NDUFAF6: variants seen among roughly 807,000 people sequenced by gnomAD.
NDUFAF6 encodes NADH:ubiquinone oxidoreductase complex assembly factor 6.
NDUFAF6 carries 45 observed loss-of-function variants against 40.8 expected under a neutral mutation model. That is an observed-to-expected ratio of 1.10 (90% CI 0.87 to 1.42). NDUFAF6 has a LOEUF of 1.42. NDUFAF6 is among the 40% of genes most tolerant of loss of function. NDUFAF6 has a pLI of 0.00. For synonymous variants in NDUFAF6, 185 were observed against 155.9 expected (o/e 1.19, Z -1.39); for missense variants, 435 against 418.5 (o/e 1.04, Z -0.34).
intron 1 of NDUFAF6, among the ~76,000 whole-genome samples, chr8:94,912,512 G>A (rs762479199): frequency 6.6e-6 from 1 of 152,106 alleles, no homozygotes; most frequent in Non-Finnish European, 1.5e-5. Context: ...TAATAAACCA[G>A]TAGACTGGGT....
intron 1 of NDUFAF6, among the ~76,000 whole-genome samples, chr8:94,972,787 C>T (rs1824581819): frequency 6.7e-6 from 1 of 150,194 alleles, no homozygotes; most frequent in Admixed American, 6.6e-5. Flanking sequence ...GTAGTCCCAG[C>T]TACTCGGGAG....
At chr8:95,061,028 T>G (rs1264932839), downstream of NDUFAF6, among the ~76,000 whole-genome samples, 2 of 151,952 alleles carry the variant, frequency 1.3e-5, no homozygotes, top group Non-Finnish European at 2.9e-5. Context: ...GAAGATTGGG[T>G]AGGACCCAGG....
intron 2 of NDUFAF6, among the ~76,000 whole-genome samples, chr8:95,008,625 G>A (rs1212712790): frequency 2.6e-5 from 4 of 152,116 alleles, no homozygotes; most frequent in Admixed American, 2.6e-4. Flanking sequence ...TTCTGACTCA[G>A]CCTCTCGAGT....
At chr8:94,932,988 G>A (rs887293546) in intron 1 of NDUFAF6, among the ~76,000 whole-genome samples, 2 of 152,090 alleles carry the variant, frequency 1.3e-5, no homozygotes, top group Non-Finnish European at 2.9e-5. Flanking sequence ...AGGTCAAGGT[G>A]GGCGGATCAC....
intron 2 of NDUFAF6, among the ~76,000 whole-genome samples, chr8:94,981,796 G>A (rs922523789): frequency 4.6e-5 from 7 of 152,064 alleles, no homozygotes; most frequent in Non-Finnish European, 1.0e-4. Flanking sequence ...TTGATTGGCA[G>A]ATGTACACTT....
chr8:95,073,408 GC>G (rs1168212222), intron 9 of NDUFAF6, among the ~76,000 whole-genome samples: 1 of 151,588 alleles, frequency 6.6e-6, no homozygotes, highest in Non-Finnish European at 1.5e-5. Context: ...TCTCCCGAGC[GC>G]CCGCGCCCCG....
At chr8:95,005,554 A>ATATATATATATATGT (rs1554657858) in intron 2 of NDUFAF6, among the ~76,000 whole-genome samples, 2 of 115,354 alleles carry the variant, frequency 1.7e-5, no homozygotes, top group African/African-American at 7.5e-5. Context: ...TATATATATA[A>ATATATATATATATGT]AAAATATATT....
intron 2 of NDUFAF6, among the ~76,000 whole-genome samples, chr8:95,016,774 A>G (rs7826196): frequency 0.14 from 21,836 of 152,074 alleles, 1,596 homozygotes; most frequent in Middle Eastern, 0.25. Flanking sequence ...AAACTTGAAC[A>G]TCATGGTCCA....
chr8:94,957,423 AT>A (rs1199819327), upstream of NDUFAF6, among the ~76,000 whole-genome samples: 2 of 152,326 alleles, frequency 1.3e-5, no homozygotes, highest in African/African-American at 4.8e-5. Flanking sequence ...GGGCTCTGAC[AT>A]TTAGAAGAAA....
At chr8:95,027,586 A>AAG (rs2131734177) in intron 1 of NDUFAF6, among the ~76,000 whole-genome samples, 2 of 152,004 alleles carry the variant, frequency 1.3e-5, no homozygotes, top group South Asian at 4.2e-4. Flanking sequence ...TCTCAAAAAA[A>AAG]AAAAAAAAAA....
At chr8:94,981,751 GA>G (rs1354752803) in intron 2 of NDUFAF6, among the ~76,000 whole-genome samples, 2 of 152,156 alleles carry the variant, frequency 1.3e-5, no homozygotes, top group Non-Finnish European at 2.9e-5. Context: ...TTCCATGAGA[GA>G]GCTGATATTC....
chr8:95,090,754 A>G (rs1468338627), intron 2 of NDUFAF6, among the ~76,000 whole-genome samples: 1 of 152,194 alleles, frequency 6.6e-6, no homozygotes, highest in Non-Finnish European at 1.5e-5. Flanking sequence ...GGCTGGGGAA[A>G]GCAGATCCAC....
intron 1 of NDUFAF6, among the ~76,000 whole-genome samples, chr8:94,923,844 T>C (rs1371558863): frequency 1.7e-5 from 1 of 57,598 alleles, no homozygotes; most frequent in East Asian, 8.6e-4. Flanking sequence ...CACGCCCGAC[T>C]AATTTTTTTT....
intron 1 of NDUFAF6, among the ~76,000 whole-genome samples, chr8:94,938,132 T>C (rs1821171128): frequency 6.6e-6 from 1 of 152,210 alleles, no homozygotes; most frequent in Non-Finnish European, 1.5e-5. Flanking sequence ...GTATACCAGA[T>C]GCCTGAAAGG....
At chr8:94,917,527 T>C (rs917622958) in intron 1 of NDUFAF6, among the ~76,000 whole-genome samples, 1 of 152,220 alleles carries the variant, frequency 6.6e-6, no homozygotes, top group African/African-American at 2.4e-5. Flanking sequence ...TTTTGTGTAA[T>C]GATCAGGTGG....
chr8:94,968,292 G>A (rs1345273553), intron 1 of NDUFAF6, among the ~76,000 whole-genome samples: 2 of 152,188 alleles, frequency 1.3e-5, no homozygotes. Flanking sequence ...AGATCATGGG[G>A]AACCACTTTG....
chr8:95,002,434 T>C (rs1826779551), intron 2 of NDUFAF6, among the ~76,000 whole-genome samples: 1 of 152,084 alleles, frequency 6.6e-6, no homozygotes, highest in South Asian at 2.1e-4. Flanking sequence ...TTTAGAACAG[T>C]TAACTTTTAG....
intron 2 of NDUFAF6, among the ~76,000 whole-genome samples, chr8:94,997,305 C>A (rs947151486): frequency 8.3e-6 from 1 of 120,164 alleles, no homozygotes; most frequent in Non-Finnish European, 1.8e-5. Flanking sequence ...CACACACACA[C>A]ACACACACAC....
intron 2 of NDUFAF6, among the ~76,000 whole-genome samples, chr8:94,987,801 A>C (rs1390758084): frequency 6.6e-6 from 1 of 152,194 alleles, no homozygotes; most frequent in Admixed American, 6.6e-5. Flanking sequence ...AATAAGTTCT[A>C]ACAATGTTTT....
Sources: allele counts gnomAD v4.1 joint callset (sites outside exome capture counted in the v4.1 genomes callset), GRCh38; gene constraint gnomAD v4.1.1; transcripts MANE v1.5; gene names NCBI Gene and HGNC (gene_info 2026-07-23, HGNC 2026-07-21).